LRRC8B: variants seen among roughly 807,000 people sequenced by gnomAD.
LRRC8B encodes the protein volume-regulated anion channel subunit LRRC8B.
A neutral mutation model predicts 58.8 loss-of-function variants in LRRC8B; 23 were observed. The ratio of observed to expected loss-of-function variants is 0.39; its 90% CI spans 0.28 to 0.55. The LOEUF is 0.55. Ranked by LOEUF, LRRC8B falls within the 20% of genes least tolerant of loss-of-function variation. The probability of loss-of-function intolerance (pLI) is 0.62; values close to 1 mark genes in which losing one functional copy is unlikely to be tolerated. For missense variants in LRRC8B, 694 were observed against 936.0 expected (o/e 0.74, Z 3.37); for synonymous variants, 359 against 374.1 (o/e 0.96, Z 0.47).
intron 1 of LRRC8B, among the ~76,000 whole-genome samples, chr1:89,534,718 A>G (rs1650402802): frequency 6.6e-6 from 1 of 152,234 alleles, no homozygotes; most frequent in Admixed American, 6.5e-5. Flanking sequence ...TGCCATATAA[A>G]TATATGGGAA....
intron 5 of LRRC8B, among the ~76,000 whole-genome samples, chr1:89,585,502 T>C (rs1654554727): frequency 2.6e-5 from 4 of 152,158 alleles, no homozygotes; most frequent in Admixed American, 2.6e-4. Flanking sequence ...AAAAATTCAC[T>C]GTAGTCTAAA....
chr1:89,587,195 CAGT>C (rs1353638750), intron 5 of LRRC8B, among the ~76,000 whole-genome samples: 2 of 152,114 alleles, frequency 1.3e-5, no homozygotes, highest in African/African-American at 4.8e-5. Flanking sequence ...GCCAGATACT[CAGT>C]AGGAAGGCTG....
intron 1 of LRRC8B, among the ~76,000 whole-genome samples, chr1:89,528,277 G>A (rs151118833): frequency 7.1e-4 from 108 of 152,276 alleles, no homozygotes; most frequent in Admixed American, 1.2e-3. Context: ...CCATGCAGGT[G>A]ACTGAGATCT....
intron 1 of LRRC8B, among the ~76,000 whole-genome samples, chr1:89,564,494 A>C (rs1652900694): frequency 6.6e-6 from 1 of 152,144 alleles, no homozygotes; most frequent in African/African-American, 2.4e-5. Flanking sequence ...CTGCTTATGA[A>C]CTTGAGCAAG....
chr1:89,577,047 G>A (rs1316169940), intron 3 of LRRC8B, among the ~76,000 whole-genome samples: 1 of 152,136 alleles, frequency 6.6e-6, no homozygotes, highest in African/African-American at 2.4e-5. Context: ...CATCTTAATG[G>A]GAAGTAGCAC....
chr1:89,565,859 G>A (rs117337317), intron 1 of LRRC8B, among the ~76,000 whole-genome samples: 4 of 152,258 alleles, frequency 2.6e-5, no homozygotes, highest in East Asian at 3.9e-4. Context: ...TTTGTTCGCC[G>A]TGTTTTTAAG....
chr1:89,571,856 A>G (rs1653497570), intron 3 of LRRC8B, among the ~76,000 whole-genome samples: 1 of 152,050 alleles, frequency 6.6e-6, no homozygotes, highest in African/African-American at 2.4e-5. Context: ...CCATGTGGCA[A>G]TGGCATTGAG....
At chr1:89,577,102 A>T (rs1488219300) in intron 3 of LRRC8B, among the ~76,000 whole-genome samples, 2 of 152,202 alleles carry the variant, frequency 1.3e-5, no homozygotes, top group Non-Finnish European at 2.9e-5. Flanking sequence ...ATCAATTTTC[A>T]ATGAGAGTAG....
chr1:89,561,157 AT>A (rs1652618376), intron 1 of LRRC8B, among the ~76,000 whole-genome samples: 1 of 151,586 alleles, frequency 6.6e-6, no homozygotes, highest in South Asian at 2.1e-4. Flanking sequence ...GCATTTTTTC[AT>A]GTGTTTTTTG....
chr1:89,581,046 C>T lies in LRRC8B; in HGVS notation c.-27+1358C>T, dbSNP rs908121348. On this transcript the variant is annotated intron_variant, in intron 4 of 5. Coordinates refer to ENST00000330947, the MANE Select transcript of LRRC8B (RefSeq NM_001369817.2). Reference sequence around the variant, plus strand: ...GTGGCTCAGGCCTATAATCTCAGCTCTTTGAGAGGCCAAGGTGGGCAGATC... The same window carrying T: ...GTGGCTCAGGCCTATAATCTCAGCTTTTTGAGAGGCCAAGGTGGGCAGATC... Among the ~76,000 whole-genome samples the T allele has an allele frequency of 3.3e-5, 5 of 152,068 alleles. 1 individual carries two copies. The highest frequency in any genetic ancestry group is 4.8e-5 in the African/African-American group (2 of 41,404).
chr1:89,540,549 A>G (rs1650884220), intron 1 of LRRC8B, among the ~76,000 whole-genome samples: 1 of 152,216 alleles, frequency 6.6e-6, no homozygotes, highest in South Asian at 2.1e-4. Flanking sequence ...CACGAATGAA[A>G]GAACAAGAGC....
chr1:89,551,686 G>A (rs1651827036), intron 1 of LRRC8B, among the ~76,000 whole-genome samples: 1 of 152,316 alleles, frequency 6.6e-6, no homozygotes, highest in South Asian at 2.1e-4. Context: ...TTGATAAAGT[G>A]AGTGAGGGAG....
chr1:89,552,278 A>G (rs898728330), intron 1 of LRRC8B, among the ~76,000 whole-genome samples: 1 of 152,338 alleles, frequency 6.6e-6, no homozygotes, highest in African/African-American at 2.4e-5. Context: ...ATGAGAATAT[A>G]TTCTGTTTTT....
At position 89,584,075 on chromosome 1, in the gene LRRC8B, G is replaced by C. The variant is rs780334276; in HGVS notation, c.1425G>C (p.Leu475=). 6.2e-7 allele frequency: 1 copy of C among 1,614,044 alleles called. No homozygotes were observed. The highest frequency in any genetic ancestry group is 2.2e-5 in the East Asian group (1 of 44,874). Residue 475 remains leucine (L), a synonymous_variant, in exon 5 of 6, where the codon CTG becomes CTC. Transcript: ENST00000330947. ...LKELRVYHSS[L]VVDHPALAFL... ...AGCTTCGTGTGTACCATTCATCTCTGGTCGTAGACCATCCTGCACTGGCCT... is the reference window on the plus strand; with the variant it reads ...AGCTTCGTGTGTACCATTCATCTCTCGTCGTAGACCATCCTGCACTGGCCT...
intron 5 of LRRC8B, 79 bp downstream of exon 5, chr1:89,584,868 A>G (rs1045875395): frequency 2.0e-6 from 2 of 1,018,928 alleles, no homozygotes; most frequent in African/African-American, 3.2e-5. Flanking sequence ...AACACACTTC[A>G]AATCATACTG....
chr1:89,566,832 C>T (rs1232502695), intron 1 of LRRC8B, among the ~76,000 whole-genome samples: 2 of 152,264 alleles, frequency 1.3e-5, no homozygotes, highest in East Asian at 3.9e-4. Flanking sequence ...ACTTGGGAGC[C>T]GTTCCTTATA....
chr1:89,563,760 A>G (rs972499702), intron 1 of LRRC8B, among the ~76,000 whole-genome samples: 5 of 152,328 alleles, frequency 3.3e-5, no homozygotes, highest in Middle Eastern at 6.8e-3. Flanking sequence ...AGTTGTCTCA[A>G]TTAATTCTTA....
At chr1:89,581,021 G>A (rs1231006151) in intron 4 of LRRC8B, among the ~76,000 whole-genome samples, 3 of 152,152 alleles carry the variant, frequency 2.0e-5, no homozygotes, top group Non-Finnish European at 4.4e-5. Context: ...GCCAGGCACA[G>A]TGGCTCAGGC....
chr1:89,560,823 T>C (rs1195031711), intron 1 of LRRC8B, among the ~76,000 whole-genome samples: 17 of 151,868 alleles, frequency 1.1e-4, no homozygotes, highest in Non-Finnish European at 1.8e-4. Flanking sequence ...TCTTTGCTAT[T>C]GTGAATAATG....
Sources: allele counts gnomAD v4.1 joint callset (sites outside exome capture counted in the v4.1 genomes callset), GRCh38; gene constraint gnomAD v4.1.1; transcripts MANE v1.5; gene names NCBI Gene and HGNC (gene_info 2026-07-23, HGNC 2026-07-21).